The following KBTBD11 variants were observed in gnomAD, a reference collection of about 807,000 sequenced individuals.
KBTBD11 encodes kelch repeat and BTB domain-containing protein 11.
For missense variants in KBTBD11, 1,390 were observed against 1,001.8 expected, an observed-to-expected ratio of 1.39 and a Z score of -5.23; for synonymous variants, 747 against 499.0, an observed-to-expected ratio of 1.50 and a Z score of -6.63.
chr8:1,985,300 A>C lies in KBTBD11; in HGVS notation c.-909+11365A>C, dbSNP rs1438613304. 2.0e-5 allele frequency among the ~76,000 whole-genome samples: 3 copies of C among 152,396 alleles called. No individual in the cohort carries two copies. The East Asian group carries it at 5.8e-4, about 29-fold the overall frequency. On this transcript the variant is annotated intron_variant, in intron 1 of 1. Transcript: ENST00000320248. ...TCAGGAGCTCGTCAGAGCAAAGATC[A>C]GGGTGTGCTTTGCTTCTCTGCAGAG...
intron 1 of KBTBD11, among the ~76,000 whole-genome samples, chr8:1,989,923 G>GTT (rs5888896): frequency 0.11 from 7,612 of 71,792 alleles, 1,626 homozygotes; most frequent in South Asian, 0.26. Flanking sequence ...GTCTCAGGTG[G>GTT]TTTTTTTTTT....
chr8:1,986,800 C>T (rs73538611), intron 1 of KBTBD11, among the ~76,000 whole-genome samples: 5 of 152,096 alleles, frequency 3.3e-5, no homozygotes, highest in South Asian at 2.1e-4. Context: ...TATAAAGAAA[C>T]GCTCATGGAT....
intron 1 of KBTBD11, among the ~76,000 whole-genome samples, chr8:1,992,574 C>A (rs1409226527): frequency 6.6e-6 from 1 of 151,772 alleles, no homozygotes; most frequent in Non-Finnish European, 1.5e-5. Context: ...CATGCCTGTT[C>A]ATAATAGATT....
At chr8:1,996,543 C>T (rs1263022727) in intron 1 of KBTBD11, among the ~76,000 whole-genome samples, 1 of 152,250 alleles carries the variant, frequency 6.6e-6, no homozygotes, top group East Asian at 1.9e-4. Context: ...GCTGGGATTA[C>T]AGGCTTGAGC....
In KBTBD11 at chr8:1,987,914, G is replaced by A. The variant is rs553859457; in HGVS notation, c.-908-12371G>A. ...CAGCCCCCGACGGGCCCCGGTGTGT[G>A]ATGTTCCCCGCCCTGTTTCCAAGTG... On this transcript the variant is annotated intron_variant, in intron 1 of 1. Transcript: ENST00000320248. Among the ~76,000 whole-genome samples, 4 of 152,084 alleles carry A rather than the reference G, an allele frequency of 2.6e-5. No homozygotes were observed. In the East Asian group the frequency reaches 7.7e-4, roughly 29 times the overall value.
At chr8:1,985,713 G>T (rs762829042) in intron 1 of KBTBD11, among the ~76,000 whole-genome samples, 5 of 152,190 alleles carry the variant, frequency 3.3e-5, no homozygotes, top group East Asian at 3.8e-4. Context: ...GAATCTCAGC[G>T]CTTTGGGAGT....
At chr8:1,975,941 T>C (rs1816325316) in intron 1 of KBTBD11, 2 of 152,250 alleles carry the variant, frequency 1.3e-5, no homozygotes, top group Admixed American at 1.3e-4. Flanking sequence ...CCCGTCTTTG[T>C]CCCTGTGCTG....
intron 1 of KBTBD11, among the ~76,000 whole-genome samples, chr8:1,989,954 C>A (rs1041863343): frequency 8.5e-5 from 8 of 94,644 alleles, no homozygotes; most frequent in Non-Finnish European, 1.7e-4. Flanking sequence ...TTTTTTGAGG[C>A]CTCTTGTTGA....
Sources: gnomAD v4.1 joint callset for allele counts (sites outside exome capture counted in the v4.1 genomes callset) on GRCh38, gnomAD v4.1.1 for gene constraint, MANE v1.5 for transcripts, NCBI Gene and HGNC (gene_info 2026-07-23, HGNC 2026-07-21) for gene names.